Variants in HMG20A observed in about 807,000 individuals in gnomAD.
HMG20A encodes the protein high mobility group 20A.
A neutral mutation model predicts 43.9 loss-of-function variants in HMG20A; 17 were observed. That is an observed-to-expected ratio of 0.39 (90% CI 0.27 to 0.58). The LOEUF (loss-of-function observed/expected upper bound fraction) is 0.58. HMG20A is among the 20% of genes least tolerant of loss of function. The probability of loss-of-function intolerance (pLI) is 0.59; values close to 1 mark genes in which losing one functional copy is unlikely to be tolerated. For synonymous variants in HMG20A, 132 were observed against 147.5 expected (o/e 0.89, Z 0.76); for missense variants, 341 against 438.2 (o/e 0.78, Z 1.98).
At chr15:77,505,906 A>G in the HMG20A span, among the ~76,000 whole-genome samples, 12 of 152,152 alleles carry the variant, frequency 7.9e-5, no homozygotes, top group African/African-American at 2.9e-4. Flanking sequence ...CTGCTATTTC[A>G]AAATGCAACC....
At chr15:77,511,350 A>C in the HMG20A span, among the ~76,000 whole-genome samples, 1 of 152,224 alleles carries the variant, frequency 6.6e-6, no homozygotes, top group Non-Finnish European at 1.5e-5. Context: ...ACAAGCCCCC[A>C]AAATAAATGA....
At chr15:77,450,761 T>C (rs193014344) in intron 1 of HMG20A, among the ~76,000 whole-genome samples, 5 of 152,370 alleles carry the variant, frequency 3.3e-5, no homozygotes, top group Non-Finnish European at 5.9e-5. Flanking sequence ...CCAGTGTTTT[T>C]ATTGTGACCC....
At chr15:77,424,006 T>A (rs1220794900) in intron 1 of HMG20A, among the ~76,000 whole-genome samples, 2 of 152,200 alleles carry the variant, frequency 1.3e-5, no homozygotes, top group African/African-American at 4.8e-5. Flanking sequence ...CTCAGGACTT[T>A]GAATACAGTA....
chr15:77,504,272 C>CT, the HMG20A span, among the ~76,000 whole-genome samples: 1 of 152,308 alleles, frequency 6.6e-6, no homozygotes, highest in Non-Finnish European at 1.5e-5. Flanking sequence ...CAGCTGGGCT[C>CT]TTTGTCTGCC....
the HMG20A span, among the ~76,000 whole-genome samples, chr15:77,507,776 AG>A: frequency 1.3e-5 from 2 of 152,168 alleles, no homozygotes; most frequent in Non-Finnish European, 2.9e-5. Flanking sequence ...CTGGCAGCTC[AG>A]GGCCATTCTC....
At chr15:77,482,152 T>C in intron 9 of HMG20A, 1 of 152,184 alleles carries the variant, frequency 6.6e-6, no homozygotes, top group Non-Finnish European at 1.5e-5. Context: ...TCTAAAACAT[T>C]GCTCTAAGGA....
chr15:77,501,753 C>G, the HMG20A span, among the ~76,000 whole-genome samples: 16 of 152,342 alleles, frequency 1.1e-4, no homozygotes, highest in African/African-American at 3.6e-4. Context: ...CAGTCTTTCT[C>G]TGTTCACTAA....
the HMG20A span, among the ~76,000 whole-genome samples, chr15:77,517,763 C>A: frequency 6.6e-6 from 1 of 151,938 alleles, no homozygotes; most frequent in South Asian, 2.1e-4. Context: ...GGGCACTGGG[C>A]TCAGACGACC....
the HMG20A span, among the ~76,000 whole-genome samples, chr15:77,491,347 G>A: frequency 6.6e-6 from 1 of 152,220 alleles, no homozygotes. Context: ...GCACTGGAAT[G>A]TAAGACAACA....
intron 6 of HMG20A, among the ~76,000 whole-genome samples, chr15:77,472,730 A>G (rs183751350): frequency 6.6e-6 from 1 of 152,254 alleles, no homozygotes; most frequent in East Asian, 1.9e-4. Flanking sequence ...GTGTTGTTTC[A>G]AATTCTGTTT....
At chr15:77,456,634 CAAAAAA>C (rs34114445) in intron 1 of HMG20A, among the ~76,000 whole-genome samples, 6 of 95,384 alleles carry the variant, frequency 6.3e-5, no homozygotes, top group South Asian at 3.8e-4. Context: ...GCGAGACTGT[CAAAAAA>C]AAAAAAAAAA....
intron 8 of HMG20A, among the ~76,000 whole-genome samples, chr15:77,478,852 T>C (rs1386644698): frequency 6.6e-6 from 1 of 152,230 alleles, no homozygotes; most frequent in Admixed American, 6.5e-5. Flanking sequence ...TAGTTGTTTT[T>C]GTTTTAACGG....
At chr15:77,488,441 A>G (rs2072956549), downstream of HMG20A, among the ~76,000 whole-genome samples, 1 of 152,246 alleles carries the variant, frequency 6.6e-6, no homozygotes, top group Non-Finnish European at 1.5e-5. Context: ...TAGTTTTAAT[A>G]GAGACAAATA....
At chr15:77,465,603 C>T (rs1056648115) in intron 3 of HMG20A, among the ~76,000 whole-genome samples, 5 of 152,234 alleles carry the variant, frequency 3.3e-5, no homozygotes, top group Non-Finnish European at 7.4e-5. Context: ...CCGTGTTGAC[C>T]AGGCTGGTCT....
the HMG20A span, among the ~76,000 whole-genome samples, chr15:77,495,373 T>C: frequency 1.1e-4 from 16 of 152,008 alleles, no homozygotes; most frequent in East Asian, 3.1e-3. Context: ...TATAGTGAAA[T>C]CCTGTCTCTA....
intron 8 of HMG20A, 83 bp from the exon 9 acceptor site, chr15:77,479,096 A>C: frequency 7.5e-7 from 1 of 1,333,312 alleles, no homozygotes; most frequent in South Asian, 1.2e-5. Context: ...AGACCACATT[A>C]GAATCACTGT....
chr15:77,429,268 A>G (rs985029908), intron 1 of HMG20A, among the ~76,000 whole-genome samples: 1 of 151,840 alleles, frequency 6.6e-6, no homozygotes, highest in African/African-American at 2.4e-5. Flanking sequence ...CCCAGGCTGG[A>G]GTGCAGTGGC....
At chr15:77,517,708 G>A in the HMG20A span, among the ~76,000 whole-genome samples, 49 of 151,942 alleles carry the variant, frequency 3.2e-4, no homozygotes, top group African/African-American at 1.2e-3. Flanking sequence ...TGTGGGCGAC[G>A]GCATTTGAGG....
At chr15:77,433,803 A>T (rs78677785) in intron 1 of HMG20A, among the ~76,000 whole-genome samples, 16 of 152,354 alleles carry the variant, frequency 1.1e-4, no homozygotes, top group African/African-American at 3.6e-4. Context: ...TTGTAAAGAT[A>T]TCATTTCTCT....
Sources: allele counts gnomAD v4.1 joint callset (sites outside exome capture counted in the v4.1 genomes callset), GRCh38; gene constraint gnomAD v4.1.1; transcripts MANE v1.5; gene names NCBI Gene and HGNC (gene_info 2026-07-23, HGNC 2026-07-21).